Variants in PKD2L2 observed in about 807,000 individuals in gnomAD.
The protein encoded by PKD2L2 is polycystin 2 like 2, transient receptor potential cation channel.
In PKD2L2, 67 loss-of-function variants were observed where a neutral mutation model predicts 83.9. That is an observed-to-expected ratio of 0.80 (90% CI 0.66 to 0.98). The LOEUF (loss-of-function observed/expected upper bound fraction) is 0.98, where lower values mean the gene tolerates loss of function less well. Among genes scored for constraint, PKD2L2 ranks in the 50% least tolerant of loss-of-function variants. PKD2L2 has a pLI of 0.00. For missense variants in PKD2L2, 632 were observed against 717.2 expected, an observed-to-expected ratio of 0.88 and a Z score of 1.36; for synonymous variants, 223 against 237.8, an observed-to-expected ratio of 0.94 and a Z score of 0.57.
chr5:137,928,769 T>C (rs1233708603), intron 12 of PKD2L2, among the ~76,000 whole-genome samples: 1 of 152,166 alleles, frequency 6.6e-6, no homozygotes, highest in Non-Finnish European at 1.5e-5. Flanking sequence ...GGCATCTCAC[T>C]GTGTTGCCCA....
intron 8 of PKD2L2, among the ~76,000 whole-genome samples, chr5:137,913,250 C>A (rs984775856): frequency 7.0e-6 from 1 of 143,232 alleles, no homozygotes; most frequent in Non-Finnish European, 1.5e-5. Flanking sequence ...GTGGCATGAT[C>A]TCAGCTCACT....
intron 8 of PKD2L2, among the ~76,000 whole-genome samples, chr5:137,910,602 G>T (rs775084805): frequency 6.6e-6 from 1 of 151,506 alleles, no homozygotes; most frequent in Non-Finnish European, 1.5e-5. Flanking sequence ...GCGAAACTCC[G>T]TCTCTACTAA....
chr5:137,908,810 T>C lies in PKD2L2; in HGVS notation c.1192T>C (p.Ser398Pro). 2 of 1,592,588 alleles carry C rather than the reference T, an allele frequency of 1.3e-6. No homozygotes were observed. The highest frequency in any genetic ancestry group is 1.7e-6 in the Non-Finnish European group (2 of 1,165,534). ...TAACAAGACAATGTCTCAGCTGTCA[T>C]CAACCTTGTCCCGTTGTGTTAAAGA... ...SFNKTMSQLS[S>P]TLSRCVKDIV... The change falls in exon 8 of 15, where the codon TCA becomes CCA. Residue 398 changes from serine (S) to proline (P), a missense_variant. Ser to Pro is a moderately conservative substitution (Grantham distance 74). Transcript: ENST00000508883.
intron 9 of PKD2L2, among the ~76,000 whole-genome samples, chr5:137,923,208 G>A (rs1225896049): frequency 6.6e-6 from 1 of 151,782 alleles, no homozygotes; most frequent in Non-Finnish European, 1.5e-5. Flanking sequence ...TAGAGACAGG[G>A]TTTTGCCATG....
intron 8 of PKD2L2, among the ~76,000 whole-genome samples, chr5:137,910,554 C>T (rs1490692880): frequency 6.6e-6 from 1 of 151,750 alleles, no homozygotes; most frequent in Non-Finnish European, 1.5e-5. Context: ...GGGTGGATCA[C>T]CTGAGGTCAG....
At chr5:137,890,661 C>A in intron 2 of PKD2L2, 79 bp downstream of exon 2, 1 of 612,518 alleles carries the variant, frequency 1.6e-6, no homozygotes, top group Non-Finnish European at 2.8e-6. Flanking sequence ...AACATACAAA[C>A]TTCAAAACCA....
At chr5:137,909,183 C>T (rs1301360447) in intron 8 of PKD2L2, among the ~76,000 whole-genome samples, 3 of 152,104 alleles carry the variant, frequency 2.0e-5, no homozygotes, top group African/African-American at 7.2e-5. Context: ...CAGGTGTGCA[C>T]CACCACGCTT....
intron 2 of PKD2L2, among the ~76,000 whole-genome samples, chr5:137,891,117 G>T (rs1009649905): frequency 3.9e-5 from 6 of 152,176 alleles, no homozygotes; most frequent in African/African-American, 1.2e-4. Flanking sequence ...TGGGTCAATA[G>T]CATTGGCTTA....
intron 6 of PKD2L2, among the ~76,000 whole-genome samples, chr5:137,907,300 A>C (rs1757445536): frequency 1.3e-5 from 2 of 152,242 alleles, no homozygotes; most frequent in Non-Finnish European, 2.9e-5. Flanking sequence ...CTGATAGCTA[A>C]AACAACCTGG....
rs1554111621 is a variant in PKD2L2, at chr5:137,936,460, C to CA, written c.*17+33_*17+34insA. 4 of 1,265,568 alleles carry CA rather than the reference C, an allele frequency of 3.2e-6. No individual in the cohort carries two copies. In the Admixed American group the frequency reaches 9.5e-5, roughly 30 times the overall value. 78.4% of individuals were successfully genotyped at this position (1,265,568 alleles called of 1,614,324 possible). On this transcript the variant is annotated intron_variant, in intron 14 of 14. Coordinates refer to ENST00000508883, the MANE Select transcript of PKD2L2 (RefSeq NM_001300921.2). Reference sequence around the variant, plus strand: ...TCTGTGATGCAATCATTGAGCATTTCTTTTTTTTTTTTTGAGACGGAGTCT... The same window carrying CA: ...TCTGTGATGCAATCATTGAGCATTTCATTTTTTTTTTTTTGAGACGGAGTCT...
intron 8 of PKD2L2, among the ~76,000 whole-genome samples, chr5:137,909,757 A>G (rs1415932614): frequency 6.7e-6 from 1 of 150,170 alleles, no homozygotes; most frequent in African/African-American, 2.5e-5. Flanking sequence ...CTGGTCTTGA[A>G]CTCCTGAGTT....
At chr5:137,940,137 A>G (rs748991660) in intron 14 of PKD2L2, 1 of 1,614,086 alleles carries the variant, frequency 6.2e-7, no homozygotes, top group Non-Finnish European at 8.5e-7. Context: ...TGCCTGACAA[A>G]ACGAATTTAA....
At chr5:137,940,823 A>T (rs563086008) in intron 14 of PKD2L2, among the ~76,000 whole-genome samples, 1 of 152,238 alleles carries the variant, frequency 6.6e-6, no homozygotes, top group African/African-American at 2.4e-5. Context: ...CTAAAGCATC[A>T]AACTATCCTA....
At chr5:137,906,847 C>CA (rs1340468069) in intron 6 of PKD2L2, among the ~76,000 whole-genome samples, 1 of 151,998 alleles carries the variant, frequency 6.6e-6, no homozygotes, top group African/African-American at 2.4e-5. Context: ...AAAAAATAGA[C>CA]AAAAGACAAG....
chr5:137,925,939 T>A lies in PKD2L2; in HGVS notation c.1671+10T>A. The A allele has an allele frequency of 6.4e-7, 1 of 1,558,514 alleles. No individual in the cohort carries two copies. The highest frequency in any genetic ancestry group is 1.7e-4 in the Middle Eastern group (1 of 5,894). ...AGGCTTTGACGAAAATGTAAGATTT[T>A]AATTTTTTTCATAAACACTAGTGGT... is the stretch of plus-strand genomic sequence containing the variant. On this transcript the variant is annotated intron_variant, in intron 12 of 14. Transcript: ENST00000508883.
At chr5:137,925,291 C>T (rs561922414) in intron 11 of PKD2L2, among the ~76,000 whole-genome samples, 187 bp downstream of exon 11, 60 of 152,118 alleles carry the variant, frequency 3.9e-4, no homozygotes, top group Non-Finnish European at 6.9e-4. Context: ...GGATTACAGG[C>T]GTGAGCCACC....
At chr5:137,906,143 C>A in intron 5 of PKD2L2, 63 bp from the exon 6 acceptor site, 3 of 905,190 alleles carry the variant, frequency 3.3e-6, no homozygotes, top group Non-Finnish European at 5.2e-6. Context: ...GAAAATTTCA[C>A]ATTAAGTACT....
chr5:137,923,162 T>G (rs1471940611), intron 9 of PKD2L2, among the ~76,000 whole-genome samples: 1 of 151,970 alleles, frequency 6.6e-6, no homozygotes, highest in Non-Finnish European at 1.5e-5. Flanking sequence ...ACTACAGGTG[T>G]GCACCACCAC....
intron 12 of PKD2L2, among the ~76,000 whole-genome samples, chr5:137,935,096 A>G (rs1760213057): frequency 6.6e-6 from 1 of 152,184 alleles, no homozygotes; most frequent in South Asian, 2.1e-4. Context: ...ATACAAATTT[A>G]CTGAGAAGGT....
Sources: allele counts gnomAD v4.1 joint callset (sites outside exome capture counted in the v4.1 genomes callset), GRCh38; gene constraint gnomAD v4.1.1; transcripts MANE v1.5; gene names NCBI Gene and HGNC (gene_info 2026-07-23, HGNC 2026-07-21).